CFAP299: variants seen among roughly 807,000 people sequenced by gnomAD.
The protein encoded by CFAP299 is cilia- and flagella-associated protein 299.
In CFAP299, 21 loss-of-function variants were observed where a neutral mutation model predicts 27.0. That is an observed-to-expected ratio of 0.78 (90% confidence interval 0.55 to 1.12). The LOEUF (loss-of-function observed/expected upper bound fraction) is 1.12. Ranked by LOEUF, CFAP299 falls within the 50% of genes most tolerant of loss-of-function variation. The pLI, the probability that CFAP299 is intolerant of heterozygous loss-of-function variation, is 0.00. For missense variants in CFAP299, 310 were observed against 276.6 expected (o/e 1.12, Z -0.86); for synonymous variants, 104 against 98.1 (o/e 1.06, Z -0.36).
intron 5 of CFAP299, among the ~76,000 whole-genome samples, chr4:80,959,268 CAT>C (rs1266746474): frequency 6.6e-6 from 1 of 152,014 alleles, no homozygotes; most frequent in Admixed American, 6.6e-5. Flanking sequence ...AACACTAAAA[CAT>C]AATTGCTAAT....
chr4:80,692,325 T>G (rs935187055), intron 3 of CFAP299, among the ~76,000 whole-genome samples: 5 of 152,094 alleles, frequency 3.3e-5, no homozygotes, highest in African/African-American at 1.2e-4. Context: ...CAAAACAGCA[T>G]GGTACTGGTA....
intron 3 of CFAP299, among the ~76,000 whole-genome samples, chr4:80,660,988 G>T (rs1740813626): frequency 6.6e-6 from 1 of 152,068 alleles, no homozygotes; most frequent in African/African-American, 2.4e-5. Flanking sequence ...GAACTTAAAT[G>T]ATATGTTATC....
At chr4:80,322,290 CAATCAGTGCAACA>C in the CFAP299 span, among the ~76,000 whole-genome samples, 1 of 152,194 alleles carries the variant, frequency 6.6e-6, no homozygotes, top group Non-Finnish European at 1.5e-5. Flanking sequence ...AAAGGCTTCC[CAATCAGTGCAACA>C]AAACAGCAAC....
At chr4:80,660,428 G>T (rs752975016) in intron 3 of CFAP299, among the ~76,000 whole-genome samples, 3 of 152,104 alleles carry the variant, frequency 2.0e-5, no homozygotes, top group Admixed American at 6.6e-5. Flanking sequence ...TGTGAAGTAG[G>T]TATCAGATGA....
At position 80,746,578 on chromosome 4, in the gene CFAP299, G is replaced by A. The variant is rs556132771; in HGVS notation, c.334-123415G>A. Among the ~76,000 whole-genome samples, 45 of 152,110 alleles carry A rather than the reference G, an allele frequency of 3.0e-4. No homozygotes were observed. In the South Asian group the frequency reaches 3.1e-3, roughly 11 times the overall value. On this transcript the variant is annotated intron_variant, in intron 3 of 5. Transcript: ENST00000358105. ...CCTAGTTTGTTCATCAGATTTAAAG[G>A]TTGGTATGAATCAGGTTGACGTAAC...
chr4:80,822,317 G>T (rs1349306711), intron 3 of CFAP299, among the ~76,000 whole-genome samples: 3 of 152,100 alleles, frequency 2.0e-5, no homozygotes, highest in African/African-American at 7.2e-5. Flanking sequence ...GACAAGAAAA[G>T]CCTTTTTTTA....
chr4:80,765,429 A>G (rs1033200997), intron 3 of CFAP299, among the ~76,000 whole-genome samples: 4 of 152,174 alleles, frequency 2.6e-5, no homozygotes, highest in Admixed American at 2.6e-4. Context: ...AAACAGAAAC[A>G]ATGCTACTAA....
At chr4:80,633,132 G>T (rs766241122) in intron 3 of CFAP299, among the ~76,000 whole-genome samples, 2 of 152,002 alleles carry the variant, frequency 1.3e-5, no homozygotes, top group African/African-American at 4.8e-5. Context: ...ATATAAATTA[G>T]TACCCTCCTC....
Position 80,733,716 on chromosome 4 carries a change from T to C in CFAP299, c.334-136277T>C, listed in dbSNP as rs10002326. 2.4e-3 allele frequency among the ~76,000 whole-genome samples: 371 copies of C among 152,252 alleles called. 1 individual carries two copies. The highest frequency in any genetic ancestry group is 8.5e-3 in the African/African-American group (353 of 41,568). ...CCCACAAATATGTGACACTGAGTGA[T>C]GTTTGCCTTTCCATGGCTTGCTTAT... On this transcript the variant is annotated intron_variant, in intron 3 of 5. Transcript: ENST00000358105.
chr4:80,804,369 T>C (rs566976668), intron 3 of CFAP299, among the ~76,000 whole-genome samples: 13 of 152,182 alleles, frequency 8.5e-5, no homozygotes, highest in Admixed American at 2.0e-4. Context: ...TGGAATCATC[T>C]GGTATATTTG....
In CFAP299 at chr4:80,836,432, A is replaced by AT. The variant is rs1038441340; in HGVS notation, c.334-33553dup. On this transcript the variant is annotated intron_variant, in intron 3 of 5. Coordinates refer to ENST00000358105, the MANE Select transcript of CFAP299 (RefSeq NM_152770.3). ...TTTCTACAGGCTTCTGGAAGGAATC[A>AT]TTTTTTTTGCCTTATCTAGCTTCTA... Among the ~76,000 whole-genome samples the AT allele has an allele frequency of 2.5e-3, 380 of 151,962 alleles. 1 individual carries two copies. Among genetic ancestry groups the AT allele is most frequent in the African/African-American group, 8.8e-3 (365 of 41,468 alleles).
intron 3 of CFAP299, among the ~76,000 whole-genome samples, chr4:80,688,756 G>C (rs555724190): frequency 6.6e-6 from 1 of 152,054 alleles, no homozygotes; most frequent in African/African-American, 2.4e-5. Flanking sequence ...AGCTACGGGA[G>C]GACATTCAAA....
At chr4:80,752,021 T>C (rs974165497) in intron 3 of CFAP299, among the ~76,000 whole-genome samples, 1 of 152,160 alleles carries the variant, frequency 6.6e-6, no homozygotes, top group African/African-American at 2.4e-5. Context: ...CAGCTCTGTG[T>C]ATCAGACCCA....
chr4:80,611,183 G>A (rs1737956625), intron 3 of CFAP299, among the ~76,000 whole-genome samples: 1 of 152,018 alleles, frequency 6.6e-6, no homozygotes, highest in Admixed American at 6.6e-5. Context: ...AATGTTCTCA[G>A]TGCTCTCCAT....
At chr4:80,596,292 T>G (rs1737056140) in intron 3 of CFAP299, among the ~76,000 whole-genome samples, 1 of 152,162 alleles carries the variant, frequency 6.6e-6, no homozygotes, top group Admixed American at 6.5e-5. Flanking sequence ...AGTTTAAATA[T>G]TTTCATTGAT....
chr4:80,413,050 A>G (rs2110062652), intron 2 of CFAP299, among the ~76,000 whole-genome samples: 1 of 152,338 alleles, frequency 6.6e-6, no homozygotes, highest in Admixed American at 6.5e-5. Flanking sequence ...ATTAAGTTAA[A>G]ATGTACGATT....
intron 2 of CFAP299, chr4:80,388,459 G>A: frequency 1.0e-6 from 1 of 1,003,642 alleles, no homozygotes; most frequent in Non-Finnish European, 1.6e-6. Flanking sequence ...TGACCAGCGA[G>A]ACTGTGTCCA....
chr4:80,920,618 G>T (rs915304083), intron 4 of CFAP299, among the ~76,000 whole-genome samples: 1 of 152,074 alleles, frequency 6.6e-6, no homozygotes, highest in Non-Finnish European at 1.5e-5. Flanking sequence ...AAGACATGCT[G>T]CCTTTTACTA....
At chr4:80,354,080 A>C (rs1723140217) in intron 1 of CFAP299, among the ~76,000 whole-genome samples, 13 of 152,188 alleles carry the variant, frequency 8.5e-5, no homozygotes, top group Admixed American at 8.5e-4. Flanking sequence ...AGTTGTTACT[A>C]GTTAGTAATA....
Sources: gnomAD v4.1 joint callset for allele counts (sites outside exome capture counted in the v4.1 genomes callset) on GRCh38, gnomAD v4.1.1 for gene constraint, MANE v1.5 for transcripts, NCBI Gene and HGNC (gene_info 2026-07-23, HGNC 2026-07-21) for gene names.